The following RALGAPA1 variants were observed in gnomAD, a reference collection of about 807,000 sequenced individuals.
The protein encoded by RALGAPA1 is Ral GTPase activating protein catalytic subunit alpha 1, also known as ral GTPase-activating protein subunit alpha-1.
Under a neutral mutation model 269.6 loss-of-function variants are expected in RALGAPA1, and 52 were observed. The ratio of observed to expected loss-of-function variants is 0.19; its 90% CI spans 0.15 to 0.24. The LOEUF (loss-of-function observed/expected upper bound fraction) is 0.24, where lower values mean the gene tolerates loss of function less well. Ranked by LOEUF, RALGAPA1 falls within the 10% of genes least tolerant of loss-of-function variation. The pLI is 1.00. For synonymous variants in RALGAPA1, 817 were observed against 1,008.3 expected, an observed-to-expected ratio of 0.81 and a Z score of 3.60; for missense variants, 1,917 against 3,013.9, an observed-to-expected ratio of 0.64 and a Z score of 8.52.
chr14:35,698,705 G>C (rs1386872002), intron 17 of RALGAPA1, among the ~76,000 whole-genome samples: 1 of 152,132 alleles, frequency 6.6e-6, no homozygotes, highest in Admixed American at 6.5e-5. Context: ...ATGTATCCAA[G>C]AGAAGTTTAC....
intron 27 of RALGAPA1, among the ~76,000 whole-genome samples, chr14:35,660,782 G>A (rs2063491251): frequency 6.6e-6 from 1 of 152,054 alleles, no homozygotes; most frequent in Non-Finnish European, 1.5e-5. Flanking sequence ...ATACCACTCA[G>A]CCTTTAAAAA....
Position 35,735,702 on chromosome 14 carries a change from T to C in RALGAPA1, c.1587+2811A>G, listed in dbSNP as rs560235829. On this transcript the variant is annotated intron_variant, in intron 12 of 41. Transcript: ENST00000680220. ...ATACCACTGGTACCCCAATAACCCATGGAATAATAAAAAATAAAAATAAAG... is the reference window on the plus strand; with the variant it reads ...ATACCACTGGTACCCCAATAACCCACGGAATAATAAAAAATAAAAATAAAG... 6.7e-5 allele frequency among the ~76,000 whole-genome samples: 10 copies of C among 149,520 alleles called. No individual in the cohort carries two copies. The South Asian group carries it at 2.1e-3, about 31-fold the overall frequency.
At chr14:35,680,363 A>T (rs1382122169) in intron 21 of RALGAPA1, among the ~76,000 whole-genome samples, 1 of 151,890 alleles carries the variant, frequency 6.6e-6, no homozygotes. Flanking sequence ...GTCCACCACC[A>T]TGCCTGGCTA....
chr14:35,763,618 A>G (rs1393824117), intron 4 of RALGAPA1, among the ~76,000 whole-genome samples: 1 of 152,132 alleles, frequency 6.6e-6, no homozygotes, highest in Non-Finnish European at 1.5e-5. Context: ...ACATTTTAAG[A>G]GGTGCATACT....
At chr14:35,678,161 T>G in intron 21 of RALGAPA1, 59 bp from the exon 22 acceptor site, 1 of 1,503,144 alleles carries the variant, frequency 6.7e-7, no homozygotes, top group Non-Finnish European at 9.0e-7. Context: ...ACCTAAGATG[T>G]AATGCTTAAC....
chr14:35,789,167 C>G (rs2075989743), intron 1 of RALGAPA1, among the ~76,000 whole-genome samples: 1 of 151,950 alleles, frequency 6.6e-6, no homozygotes, highest in South Asian at 2.1e-4. Context: ...TGATTCTGCC[C>G]TGAGATTTTA....
At chr14:35,724,372 C>T (rs571978597) in intron 14 of RALGAPA1, among the ~76,000 whole-genome samples, 1 of 152,050 alleles carries the variant, frequency 6.6e-6, no homozygotes, top group South Asian at 2.1e-4. Flanking sequence ...CAGCTTTTAC[C>T]CTTGACATTA....
intron 35 of RALGAPA1, among the ~76,000 whole-genome samples, chr14:35,608,124 T>G (rs922473048): frequency 6.6e-6 from 1 of 152,164 alleles, no homozygotes; most frequent in African/African-American, 2.4e-5. Flanking sequence ...ATGTACCCTC[T>G]TTAGAGTAAT....
intron 31 of RALGAPA1, among the ~76,000 whole-genome samples, chr14:35,643,995 A>G (rs1425528549): frequency 6.6e-6 from 1 of 152,234 alleles, no homozygotes; most frequent in African/African-American, 2.4e-5. Context: ...GACTATAGTA[A>G]AAAATAACTG....
chr14:35,691,113 ACATT>A (rs1407497403), intron 17 of RALGAPA1, among the ~76,000 whole-genome samples: 2 of 150,668 alleles, frequency 1.3e-5, no homozygotes, highest in Non-Finnish European at 3.0e-5. Flanking sequence ...TTATAGATGG[ACATT>A]CAGAGATTAT....
rs150402994 is a variant in RALGAPA1, at chr14:35,676,294, C to T, written c.4625-1585G>A. 3 of 152,280 alleles carry T rather than the reference C, an allele frequency of 2.0e-5. No individual in the cohort carries two copies. The East Asian group carries it at 5.8e-4, about 29-fold the overall frequency. 9.4% of individuals were successfully genotyped at this position (152,280 alleles called of 1,614,324 possible). A position where few individuals can be genotyped will look rare whatever the true frequency, so the allele number is the denominator to read the frequency against. On this transcript the variant is annotated intron_variant, in intron 22 of 41. Coordinates refer to ENST00000680220, the MANE Select transcript of RALGAPA1 (RefSeq NM_001346249.2). ...CAGCACGACCTCAGTTCACTGCAAC[C>T]TCCACATCCCAGGTTTAAGTAATTT...
chr14:35,678,695 A>G (rs750421586), intron 21 of RALGAPA1, among the ~76,000 whole-genome samples: 5 of 152,144 alleles, frequency 3.3e-5, no homozygotes, highest in Non-Finnish European at 5.9e-5. Flanking sequence ...AAGTCTCTCT[A>G]TAACTTTCTT....
chr14:35,794,905 A>G (rs1486888916), intron 1 of RALGAPA1, among the ~76,000 whole-genome samples: 2 of 152,232 alleles, frequency 1.3e-5, no homozygotes, highest in African/African-American at 2.4e-5. Context: ...CAGATTACAG[A>G]AAGACATTTT....
intron 13 of RALGAPA1, among the ~76,000 whole-genome samples, chr14:35,727,324 T>C: frequency 6.9e-6 from 1 of 144,036 alleles, no homozygotes; most frequent in East Asian, 2.0e-4. Flanking sequence ...TATATATATA[T>C]ATATATATAT....
At chr14:35,649,216 C>CA (rs1366215355) in intron 31 of RALGAPA1, among the ~76,000 whole-genome samples, 1 of 152,212 alleles carries the variant, frequency 6.6e-6, no homozygotes, top group Non-Finnish European at 1.5e-5. Flanking sequence ...CTGTATTCCT[C>CA]ACCTTGGCTG....
At chr14:35,790,547 G>A (rs1002949301) in intron 1 of RALGAPA1, among the ~76,000 whole-genome samples, 15 of 152,030 alleles carry the variant, frequency 9.9e-5, no homozygotes, top group Admixed American at 3.9e-4. Context: ...AATTAGCCAG[G>A]TGTGCTAGCG....
At chr14:35,718,525 A>G (rs1165823976) in intron 16 of RALGAPA1, among the ~76,000 whole-genome samples, 1 of 152,140 alleles carries the variant, frequency 6.6e-6, no homozygotes, top group Non-Finnish European at 1.5e-5. Context: ...CGTTCATGAA[A>G]AACATAAAGG....
intron 27 of RALGAPA1, among the ~76,000 whole-genome samples, chr14:35,662,535 C>T (rs1348189038): frequency 1.3e-5 from 2 of 152,014 alleles, no homozygotes; most frequent in African/African-American, 2.4e-5. Flanking sequence ...GTTTTTCATA[C>T]AAAAAAATTT....
At chr14:35,714,175 A>G (rs1210820342) in intron 16 of RALGAPA1, among the ~76,000 whole-genome samples, 1 of 152,092 alleles carries the variant, frequency 6.6e-6, no homozygotes, top group Non-Finnish European at 1.5e-5. Context: ...TTGCTGGGTC[A>G]TATAATTTTA....
Sources: gnomAD v4.1 joint callset for allele counts (sites outside exome capture counted in the v4.1 genomes callset) on GRCh38, gnomAD v4.1.1 for gene constraint, MANE v1.5 for transcripts, NCBI Gene and HGNC (gene_info 2026-07-23, HGNC 2026-07-21) for gene names.